TRIOBP: variants seen among roughly 807,000 people sequenced by gnomAD.
TRIOBP encodes the protein TRIO and F-actin binding protein, also known as TRIO and F-actin-binding protein.
Under a neutral mutation model 238.8 loss-of-function variants are expected in TRIOBP, and 169 were observed. The observed-to-expected ratio is 0.71, with a 90% CI of 0.62 to 0.80. The LOEUF (loss-of-function observed/expected upper bound fraction) is 0.80, where lower values mean the gene tolerates loss of function less well. TRIOBP is among the 30% of genes least tolerant of loss of function. TRIOBP has a pLI of 0.00. For missense variants in TRIOBP, 2,838 were observed against 3,122.6 expected, an observed-to-expected ratio of 0.91 and a Z score of 2.17; for synonymous variants, 1,150 against 1,274.4, an observed-to-expected ratio of 0.90 and a Z score of 2.08.
At position 37,734,701 on chromosome 22, in the gene TRIOBP, C is replaced by A. The variant is rs762067707; in HGVS notation, c.4365C>A (p.Gly1455=). Residue 1455 remains glycine (G), a synonymous_variant, in exon 9 of 24, where the codon GGC becomes GGA. Coordinates refer to ENST00000644935, the MANE Select transcript of TRIOBP (RefSeq NM_001039141.3). ...GGAGCAGCCAGGAGGGAGGCCTGGG[C>A]CCTGGGGGCTGGTGGGGATGTGGAG... ...RSWSSQEGGL[G]PGGWWGCGEP... 2 of 1,607,038 alleles carry A rather than the reference C, an allele frequency of 1.2e-6. No homozygotes were observed. The highest frequency in any genetic ancestry group is 2.2e-5 in the South Asian group (2 of 90,330).
intron 7 of TRIOBP, among the ~76,000 whole-genome samples, chr22:37,729,283 A>G (rs1924317461): frequency 6.6e-6 from 1 of 151,002 alleles, no homozygotes; most frequent in African/African-American, 2.4e-5. Flanking sequence ...TGGCGTGATC[A>G]TGGCTCACTG....
intron 11 of TRIOBP, among the ~76,000 whole-genome samples, chr22:37,746,756 C>T (rs1472019253): frequency 6.6e-6 from 1 of 152,262 alleles, no homozygotes; most frequent in Non-Finnish European, 1.5e-5. Context: ...CCCCTCCAGC[C>T]CCCTAGACGA....
At chr22:37,764,641 G>T (rs556591107) in intron 17 of TRIOBP, among the ~76,000 whole-genome samples, 1 of 152,318 alleles carries the variant, frequency 6.6e-6, no homozygotes, top group Non-Finnish European at 1.5e-5. Flanking sequence ...CAGTGGGGTC[G>T]CAAAATGTGA....
rs1926943794 is a variant in TRIOBP, at chr22:37,774,457, G to A, written c.*677G>A. On this transcript the variant is annotated 3_prime_UTR_variant, in exon 24 of 24. Transcript: ENST00000644935. ...CAGAACCGCCAGAGCCACCCAAAAG[G>A]TGTTTCTCTTCTGCTCCCTGAACCT... The A allele has an allele frequency of 6.6e-6, 1 of 152,268 alleles. No individual in the cohort carries two copies. Among genetic ancestry groups the A allele is most frequent in the African/African-American group, 2.4e-5 (1 of 41,454 alleles). The allele number at this position is 152,268 out of a possible 1,614,324, so 9.4% of individuals were successfully genotyped here.
intron 3 of TRIOBP, among the ~76,000 whole-genome samples, chr22:37,706,982 A>T (rs1922975614): frequency 6.6e-6 from 1 of 151,666 alleles, no homozygotes; most frequent in Admixed American, 6.6e-5. Context: ...AAAAACTGAC[A>T]CTGGGCCGGG....
At chr22:37,755,714 G>A (rs879567550) in intron 15 of TRIOBP, 55 bp downstream of exon 15, 11 of 1,529,986 alleles carry the variant, frequency 7.2e-6, no homozygotes, top group South Asian at 3.4e-5. Context: ...TTGCGTCCCC[G>A]AGTGGGTTTC....
intron 12 of TRIOBP, among the ~76,000 whole-genome samples, chr22:37,753,819 G>C (rs112843988): frequency 1.3e-3 from 205 of 152,310 alleles, no homozygotes; most frequent in African/African-American, 4.5e-3. Flanking sequence ...GACAGGGCTT[G>C]GTGATGTGAG....
At chr22:37,773,153 C>T (rs915547891) in intron 23 of TRIOBP, among the ~76,000 whole-genome samples, 11 of 151,394 alleles carry the variant, frequency 7.3e-5, no homozygotes, top group Non-Finnish European at 1.5e-4. Context: ...CTTAACACTC[C>T]TTCTTGACTT....
intron 3 of TRIOBP, among the ~76,000 whole-genome samples, chr22:37,702,058 G>A (rs1026993516): frequency 2.6e-5 from 4 of 151,982 alleles, no homozygotes; most frequent in South Asian, 2.1e-4. Flanking sequence ...AGCCGAGATC[G>A]CGCCATTGCA....
At chr22:37,713,158 T>C (rs1601622964) in intron 4 of TRIOBP, 52 bp from the exon 5 acceptor site, 4 of 1,501,904 alleles carry the variant, frequency 2.7e-6, no homozygotes, top group Non-Finnish European at 3.6e-6. Context: ...CTGGGTGGGG[T>C]GGGGGATGCT....
chr22:37,735,356 G>T lies in TRIOBP; in HGVS notation c.5020G>T (p.Ala1674Ser). Residue 1674 changes from alanine to serine, a missense_variant, in exon 9 of 24, where the codon GCG becomes TCG. Transcript: ENST00000644935. ...WPKIKVTRGP[A>S]TATLAGLEQT... The stretch of plus-strand genomic sequence containing the variant: ...AAAGATCAAAGTGACAAGAGGACCA[G>T]CGACCGCAACTCTGGCAGGCCTGGA... 6.2e-7 allele frequency: 1 copy of T among 1,612,900 alleles called. No individual in the cohort carries two copies. The highest frequency in any genetic ancestry group is 1.1e-5 in the South Asian group (1 of 91,026).
chr22:37,701,390 C>G lies in TRIOBP; in HGVS notation c.25C>G (p.Leu9Val), dbSNP rs770908446. ...TATGGAGGAGGTGCCTGGGGATGCCCTGTGTGAACACTTTGAGGCCAACAT... is the reference window on the plus strand; with the variant it reads ...TATGGAGGAGGTGCCTGGGGATGCCGTGTGTGAACACTTTGAGGCCAACAT... MEEVPGDALCEHFEANILT... is the reference protein window; with the variant it reads MEEVPGDAVCEHFEANILT... The change falls in exon 3 of 24, where the codon CTG becomes GTG. Residue 9 changes from leucine (L) to valine (V), a missense_variant. Physicochemically the swap from Leu to Val is conservative, Grantham distance 32 (BLOSUM62 1). Transcript: ENST00000644935. 2 of 1,613,602 alleles carry G rather than the reference C, an allele frequency of 1.2e-6. No homozygotes were observed. Among genetic ancestry groups the G allele is most frequent in the Non-Finnish European group, 8.5e-7 (1 of 1,179,890 alleles).
intron 2 of TRIOBP, among the ~76,000 whole-genome samples, chr22:37,700,678 G>C (rs1206821564): frequency 6.6e-6 from 1 of 151,830 alleles, no homozygotes; most frequent in East Asian, 1.9e-4. Flanking sequence ...AATGGGCCCA[G>C]CTGGAATCTG....
chr22:37,761,051 G>A (rs1283982804), intron 17 of TRIOBP, among the ~76,000 whole-genome samples: 1 of 152,120 alleles, frequency 6.6e-6, no homozygotes, highest in Admixed American at 6.6e-5. Context: ...AAATTTCCAA[G>A]GGGAGGTCAC....
At chr22:37,717,899 C>T (rs944232341) in intron 6 of TRIOBP, among the ~76,000 whole-genome samples, 2 of 152,234 alleles carry the variant, frequency 1.3e-5, no homozygotes, top group African/African-American at 2.4e-5. Flanking sequence ...GGGCGGCGCT[C>T]ATCGGGGAGG....
chr22:37,711,623 C>CA (rs1228492385), intron 4 of TRIOBP, among the ~76,000 whole-genome samples: 2 of 143,414 alleles, frequency 1.4e-5, no homozygotes, highest in African/African-American at 2.6e-5. Context: ...AAAAAACCCA[C>CA]AAAAAAACGA....
intron 12 of TRIOBP, among the ~76,000 whole-genome samples, 158 bp downstream of exon 12, chr22:37,751,986 C>T (rs2145862786): frequency 6.6e-6 from 1 of 152,114 alleles, no homozygotes; most frequent in South Asian, 2.1e-4. Context: ...CCTCCTGGAG[C>T]AGTCTGCAGT....
chr22:37,740,752 C>G, intron 10 of TRIOBP, 143 bp from the exon 11 acceptor site: 1 of 1,243,904 alleles, frequency 8.0e-7, no homozygotes, highest in East Asian at 2.5e-5. Flanking sequence ...CAGCTCGTCT[C>G]GGCAGTTCTG....
At chr22:37,746,944 C>T (rs946248881) in intron 11 of TRIOBP, among the ~76,000 whole-genome samples, 2 of 152,200 alleles carry the variant, frequency 1.3e-5, no homozygotes, top group Non-Finnish European at 2.9e-5. Flanking sequence ...CCGCCCCACC[C>T]ACAGCCCGGG....
Sources: allele counts gnomAD v4.1 joint callset (sites outside exome capture counted in the v4.1 genomes callset), GRCh38; gene constraint gnomAD v4.1.1; transcripts MANE v1.5; gene names NCBI Gene and HGNC (gene_info 2026-07-23, HGNC 2026-07-21).